CAMTA2: variants seen among roughly 807,000 people sequenced by gnomAD.
The protein encoded by CAMTA2 is calmodulin binding transcription activator 2, also known as calmodulin-binding transcription activator 2.
In CAMTA2, 56 loss-of-function variants were observed where a neutral mutation model predicts 135.7. The observed-to-expected ratio is 0.41, with a 90% CI of 0.33 to 0.52. The LOEUF is 0.52. CAMTA2 is among the 20% of genes least tolerant of loss of function. The pLI is 0.16. For synonymous variants in CAMTA2, 591 were observed against 604.6 expected (o/e 0.98, Z 0.33); for missense variants, 1,358 against 1,553.4 (o/e 0.87, Z 2.11).
intron 1 of CAMTA2, chr17:4,987,079 G>T: frequency 7.2e-7 from 1 of 1,397,400 alleles, no homozygotes; most frequent in Non-Finnish European, 9.2e-7. Flanking sequence ...AGGCCCGTCG[G>T]GCTCGGCTAT....
chr17:4,981,857 G>A (rs1279828708), intron 6 of CAMTA2, 26 bp from the exon 7 acceptor site: 1 of 1,572,410 alleles, frequency 6.4e-7, no homozygotes, highest in African/African-American at 1.4e-5. Flanking sequence ...GACACACAGA[G>A]CCATGGGGTC....
intron 14 of CAMTA2, 31 bp downstream of exon 14, chr17:4,973,144 C>G (rs779916298): frequency 2.5e-5 from 40 of 1,593,360 alleles, no homozygotes; most frequent in Middle Eastern, 3.3e-4. Context: ...GCTCCCTGCC[C>G]CATATGCGCT....
At chr17:4,974,740 C>G in intron 11 of CAMTA2, 1 of 450,012 alleles carries the variant, frequency 2.2e-6, no homozygotes, top group South Asian at 2.2e-5. Context: ...AAAACTGTTT[C>G]CTTCAAGGTA....
intron 3 of CAMTA2, among the ~76,000 whole-genome samples, chr17:4,985,113 G>A (rs990421780): frequency 3.9e-5 from 6 of 152,140 alleles, no homozygotes; most frequent in Non-Finnish European, 8.8e-5. Flanking sequence ...TTGAATCCAG[G>A]AGGCGGGGGT....
chr17:4,976,407 A>G (rs1972621383), intron 11 of CAMTA2, among the ~76,000 whole-genome samples: 1 of 152,230 alleles, frequency 6.6e-6, no homozygotes, highest in Non-Finnish European at 1.5e-5. Flanking sequence ...AAATTTAAAT[A>G]TATAAGTACA....
At chr17:4,970,187 G>T in intron 17 of CAMTA2, 102 bp from the exon 18 acceptor site, 2 of 1,413,302 alleles carry the variant, frequency 1.4e-6, no homozygotes, top group Non-Finnish European at 2.0e-6. Context: ...TGAGTCTGGA[G>T]AGTGACTTCA....
intron 5 of CAMTA2, 30 bp from the exon 6 acceptor site, chr17:4,982,190 G>GCA: frequency 1.9e-6 from 1 of 528,784 alleles, no homozygotes; most frequent in Non-Finnish European, 3.8e-6. Flanking sequence ...GGTGGGGGGA[G>GCA]GGCTAGTCTG....
chr17:4,974,569 C>A, intron 11 of CAMTA2, 69 bp from the exon 12 acceptor site: 1 of 906,740 alleles, frequency 1.1e-6, no homozygotes, highest in South Asian at 1.3e-5. Context: ...AAAAGTAGAC[C>A]TGTCCCAAGA....
intron 13 of CAMTA2, 93 bp downstream of exon 13, chr17:4,973,492 T>C: frequency 7.5e-7 from 1 of 1,329,570 alleles, no homozygotes; most frequent in Non-Finnish European, 1.0e-6. Context: ...CAACTCCCTC[T>C]TGGTAGGGCC....
chr17:4,983,256 T>C (rs1220912890), intron 3 of CAMTA2: 2 of 534,898 alleles, frequency 3.7e-6, no homozygotes, highest in Non-Finnish European at 6.8e-6. Flanking sequence ...TGAATTATTT[T>C]ACTCTCCAAA....
chr17:4,977,196 G>C lies in CAMTA2; in HGVS notation c.1766-4C>G. 1.2e-6 allele frequency: 2 copies of C among 1,613,634 alleles called. No homozygotes were observed. The highest frequency in any genetic ancestry group is 2.2e-5 in the East Asian group (1 of 44,882). ...GACACCAGCCCTACCTCATGGGCTG[G>C]AGAGGGTAGGATCAGCGAGAAGGGC... On this transcript the variant is annotated splice_polypyrimidine_tract_variant and splice_region_variant and intron_variant, in intron 10 of 22. Transcript: ENST00000348066.
At chr17:4,981,141 C>G (rs1972933366) in intron 8 of CAMTA2, 84 bp downstream of exon 8, 1 of 1,490,672 alleles carries the variant, frequency 6.7e-7, no homozygotes, top group Non-Finnish European at 9.1e-7. Context: ...CATGCAAATC[C>G]CATCAAGATG....
chr17:4,978,409 A>G (rs974246889), intron 10 of CAMTA2, 95 bp downstream of exon 10: 34 of 1,383,254 alleles, frequency 2.5e-5, no homozygotes, highest in Admixed American at 5.9e-5. Flanking sequence ...AAAACAACCC[A>G]TTTGTTCCCA....
rs552223743 is a variant in CAMTA2, at chr17:4,980,378, C to T, written c.944G>A (p.Arg315Gln). The change falls in exon 9 of 23, where the codon CGA becomes CAA. Residue 315 changes from arginine to glutamine, a missense_variant. By Grantham distance (43) the Arg-to-Gln change is conservative (BLOSUM62 1). This residue lies in a region of CAMTA2 where 1,077 missense variants were observed against 1,127.5 expected (regional missense o/e 0.96). Transcript: ENST00000348066. The surrounding 1 kb of genome is among the most constrained non-coding windows in gnomAD (Gnocchi z 5.3). ...LEIRPSPPTS[R>Q]GGSSRGGTAI... ...AGTGCCTCCTCTTGAAGAACCCCCT[C>T]GAGAAGTGGGAGGGCTAGGTCTGAT... The T allele has an allele frequency of 3.2e-4, 510 of 1,614,018 alleles. 1 individual carries two copies. The highest frequency in any genetic ancestry group is 3.8e-4 in the Admixed American group (23 of 60,000).
chr17:4,985,766 T>G, intron 3 of CAMTA2, 114 bp downstream of exon 3: 1 of 727,864 alleles, frequency 1.4e-6, no homozygotes, highest in Non-Finnish European at 2.5e-6. Flanking sequence ...CCCAAAGAGC[T>G]TAGAATGGTG....
chr17:4,986,812 G>T, intron 1 of CAMTA2: 1 of 661,718 alleles, frequency 1.5e-6, no homozygotes. Flanking sequence ...TCTCCTCCAG[G>T]TTGGTTAGGA....
intron 1 of CAMTA2, chr17:4,987,087 TA>T: frequency 7.2e-7 from 1 of 1,391,252 alleles, no homozygotes; most frequent in Non-Finnish European, 9.3e-7. Context: ...CGGGCTCGGC[TA>T]TGTGCAGTGA....
chr17:4,971,175 C>T (rs1398037969), intron 16 of CAMTA2, among the ~76,000 whole-genome samples: 1 of 152,212 alleles, frequency 6.6e-6, no homozygotes, highest in Non-Finnish European at 1.5e-5. Context: ...ACTTTCTTAG[C>T]TTTATCATGT....
intron 10 of CAMTA2, 82 bp downstream of exon 10, chr17:4,978,422 G>A: frequency 2.1e-6 from 3 of 1,458,862 alleles, no homozygotes; most frequent in Non-Finnish European, 2.8e-6. Context: ...TGTTCCCAGT[G>A]CTTTCTGGAA....
Sources: allele counts gnomAD v4.1 joint callset (sites outside exome capture counted in the v4.1 genomes callset), GRCh38; gene constraint gnomAD v4.1.1; regional missense constraint gnomAD v4.1.1; non-coding constraint Gnocchi (gnomAD v3.1); transcripts MANE v1.5; gene names NCBI Gene and HGNC (gene_info 2026-07-23, HGNC 2026-07-21).